Variants in PPP2R3A observed in about 807,000 individuals in gnomAD.
PPP2R3A encodes protein phosphatase 2 regulatory subunit B''alpha.
PPP2R3A carries 80 observed loss-of-function variants against 106.9 expected under a neutral mutation model. The observed-to-expected ratio is 0.75, with a 90% CI of 0.62 to 0.90. PPP2R3A has a LOEUF of 0.90. Ranked by LOEUF, PPP2R3A falls within the 40% of genes least tolerant of loss-of-function variation. The probability of loss-of-function intolerance (pLI) is 0.00; values close to 1 mark genes in which losing one functional copy is unlikely to be tolerated. For missense variants in PPP2R3A, 1,386 were observed against 1,350.4 expected, an observed-to-expected ratio of 1.03 and a Z score of -0.41; for synonymous variants, 483 against 468.3, an observed-to-expected ratio of 1.03 and a Z score of -0.41.
Position 136,145,235 on chromosome 3 carries a change from G to C in PPP2R3A, c.*69G>C, listed in dbSNP as rs1359338494. On this transcript the variant is annotated 3_prime_UTR_variant, in exon 14 of 14. Coordinates refer to ENST00000264977, the MANE Select transcript of PPP2R3A (RefSeq NM_002718.5). ...TTCTTTCTTGTGAAGAGATGTTCTCGTTTGCATACTGCTTTTTAAAGACTT... is the reference window on the plus strand; with the variant it reads ...TTCTTTCTTGTGAAGAGATGTTCTCCTTTGCATACTGCTTTTTAAAGACTT... 72 of 1,518,344 alleles carry C rather than the reference G, an allele frequency of 4.7e-5. No individual in the cohort carries two copies. In the South Asian group the frequency reaches 8.1e-4, roughly 17 times the overall value. 94.1% of individuals were successfully genotyped at this position (1,518,344 alleles called of 1,614,324 possible).
intron 6 of PPP2R3A, among the ~76,000 whole-genome samples, chr3:136,071,024 C>T (rs551919014): frequency 1.3e-5 from 2 of 152,348 alleles, no homozygotes; most frequent in East Asian, 1.9e-4. Context: ...GTGAGGAGCT[C>T]GCACTCCCTG....
intron 2 of PPP2R3A, among the ~76,000 whole-genome samples, chr3:136,014,847 A>G (rs1405578814): frequency 6.6e-6 from 1 of 152,034 alleles, no homozygotes; most frequent in Non-Finnish European, 1.5e-5. Context: ...TCTGACTAGG[A>G]CTTCCAGTAC....
chr3:136,055,385 C>T, intron 5 of PPP2R3A: 1 of 972,460 alleles, frequency 1.0e-6, no homozygotes, highest in South Asian at 1.3e-5. Flanking sequence ...GGTAGGACTT[C>T]CTCTGACCCT....
In PPP2R3A at chr3:136,087,813, T is replaced by G. The variant is rs1936992443; in HGVS notation, c.2789-70T>G. ...GCTTGTAGCTAGTGAAAAGCAAATT[T>G]GTGAAAAGTATTGCCTTTATGGAGC... is the stretch of plus-strand genomic sequence containing the variant. On this transcript the variant is annotated intron_variant, in intron 8 of 13. Coordinates refer to ENST00000264977, the MANE Select transcript of PPP2R3A (RefSeq NM_002718.5). 14 of 1,271,556 alleles carry G rather than the reference T, an allele frequency of 1.1e-5. No individual in the cohort carries two copies. In the African/African-American group the frequency reaches 1.6e-4, roughly 15 times the overall value. The allele number at this position is 1,271,556 out of a possible 1,614,324, so 78.8% of individuals were successfully genotyped here.
chr3:136,039,814 A>G (rs1393243799), intron 3 of PPP2R3A, among the ~76,000 whole-genome samples: 2 of 151,936 alleles, frequency 1.3e-5, no homozygotes, highest in African/African-American at 4.8e-5. Context: ...TACTAAATTT[A>G]CCTCCCTTTT....
intron 5 of PPP2R3A, among the ~76,000 whole-genome samples, chr3:136,049,995 G>GT (rs1935626467): frequency 6.6e-6 from 1 of 152,124 alleles, no homozygotes; most frequent in African/African-American, 2.4e-5. Context: ...AGGAGAGTAA[G>GT]AAACACTAAG....
At chr3:136,144,752 C>T (rs1478361272) in intron 13 of PPP2R3A, among the ~76,000 whole-genome samples, 1 of 152,106 alleles carries the variant, frequency 6.6e-6, no homozygotes, top group Non-Finnish European at 1.5e-5. Flanking sequence ...TTTTTCTTTA[C>T]CTAGCACCAT....
At chr3:136,121,272 G>A (rs1937985698) in intron 13 of PPP2R3A, among the ~76,000 whole-genome samples, 1 of 152,202 alleles carries the variant, frequency 6.6e-6, no homozygotes, top group Non-Finnish European at 1.5e-5. Context: ...ATGAAATCAT[G>A]TCCTTTGCAG....
Position 136,002,940 on chromosome 3 carries a change from C to G in PPP2R3A, c.1442C>G (p.Pro481Arg). 2 of 1,612,410 alleles carry G rather than the reference C, an allele frequency of 1.2e-6. No individual in the cohort carries two copies. The highest frequency in any genetic ancestry group is 8.5e-7 in the Non-Finnish European group (1 of 1,179,512). Residue 481 changes from proline (P) to arginine (R), a missense_variant, in exon 2 of 14, where the codon CCT becomes CGT. Transcript: ENST00000264977. ...TTTGAGAAATCATTTGTTAATCTAC[C>G]TAAGGAAGACTGTAAATCAAAAGTT... ...KIFEKSFVNL[P>R]KEDCKSKVSK...
chr3:136,146,320 T>TGTAA lies in PPP2R3A; in HGVS notation c.*1159_*1162dup, dbSNP rs1385684119. The TGTAA allele has an allele frequency of 6.6e-6, 1 of 152,240 alleles. No individual in the cohort carries two copies. Among genetic ancestry groups the TGTAA allele is most frequent in the Admixed American group, 6.5e-5 (1 of 15,278 alleles). 9.4% of individuals were successfully genotyped at this position (152,240 alleles called of 1,614,324 possible). On this transcript the variant is annotated 3_prime_UTR_variant, in exon 14 of 14. Coordinates refer to ENST00000264977, the MANE Select transcript of PPP2R3A (RefSeq NM_002718.5). ...TATTAAAAAGGATAGACATTTCTGA[T>TGTAA]GTAAGTAAAACCCCCAAGCAACTTA... is the stretch of plus-strand genomic sequence containing the variant.
At chr3:136,126,770 C>T (rs1329370246) in intron 13 of PPP2R3A, among the ~76,000 whole-genome samples, 1 of 152,080 alleles carries the variant, frequency 6.6e-6, no homozygotes, top group Non-Finnish European at 1.5e-5. Context: ...AAGCGGCTGC[C>T]CCTCTAGAAC....
intron 1 of PPP2R3A, among the ~76,000 whole-genome samples, chr3:135,983,076 G>A (rs561752118): frequency 4.1e-4 from 63 of 152,226 alleles, no homozygotes; most frequent in African/African-American, 1.3e-3. Context: ...GCATCAGTGG[G>A]GTCAAGAAAT....
At chr3:136,112,830 A>C (rs1022072649) in intron 13 of PPP2R3A, among the ~76,000 whole-genome samples, 3 of 152,170 alleles carry the variant, frequency 2.0e-5, no homozygotes, top group African/African-American at 7.2e-5. Flanking sequence ...TTTGAAAAAA[A>C]CTATTACAAA....
At chr3:136,000,653 T>C (rs1004780503) in intron 1 of PPP2R3A, among the ~76,000 whole-genome samples, 12 of 152,042 alleles carry the variant, frequency 7.9e-5, no homozygotes, top group Admixed American at 4.6e-4. Context: ...TAGTAGAAAA[T>C]ATGATTATAG....
At chr3:136,112,409 C>T (rs1195253410) in intron 13 of PPP2R3A, among the ~76,000 whole-genome samples, 1 of 152,110 alleles carries the variant, frequency 6.6e-6, no homozygotes, top group Admixed American at 6.5e-5. Context: ...TACCCAAAGG[C>T]TCCTAGATCT....
At chr3:136,016,330 T>C (rs116562493) in intron 2 of PPP2R3A, among the ~76,000 whole-genome samples, 107 of 152,258 alleles carry the variant, frequency 7.0e-4, no homozygotes, top group African/African-American at 2.5e-3. Flanking sequence ...ATCCATTTAG[T>C]CCATTTGTTC....
chr3:136,045,654 G>A (rs1032179588), intron 4 of PPP2R3A, among the ~76,000 whole-genome samples: 5 of 152,140 alleles, frequency 3.3e-5, no homozygotes, highest in Non-Finnish European at 5.9e-5. Flanking sequence ...AAAAAACCTA[G>A]GCTGTGGGCA....
chr3:136,034,689 C>T (rs1184787928), intron 3 of PPP2R3A, among the ~76,000 whole-genome samples: 1 of 152,112 alleles, frequency 6.6e-6, no homozygotes, highest in Non-Finnish European at 1.5e-5. Flanking sequence ...GAATAGAATG[C>T]ATATTCTGCA....
intron 7 of PPP2R3A, among the ~76,000 whole-genome samples, chr3:136,081,020 GTT>G (rs1320890781): frequency 2.6e-5 from 4 of 151,676 alleles, no homozygotes; most frequent in African/African-American, 9.7e-5. Context: ...TTGAGACGGA[GTT>G]TTGCCCTGTC....
Sources: allele counts gnomAD v4.1 joint callset (sites outside exome capture counted in the v4.1 genomes callset), GRCh38; gene constraint gnomAD v4.1.1; transcripts MANE v1.5; gene names NCBI Gene and HGNC (gene_info 2026-07-23, HGNC 2026-07-21).